The following SUGCT variants were observed in gnomAD, a reference collection of about 807,000 sequenced individuals.
SUGCT encodes succinyl-CoA:glutarate-CoA transferase, also known as succinyl-CoA:glutarate CoA-transferase.
SUGCT carries 41 observed loss-of-function variants against 55.0 expected under a neutral mutation model. That is an observed-to-expected ratio of 0.74 (90% CI 0.58 to 0.97). SUGCT has a LOEUF of 0.97. SUGCT is among the 50% of genes least tolerant of loss of function. SUGCT has a pLI of 0.00. For missense variants in SUGCT, 568 were observed against 547.8 expected (o/e 1.04, Z -0.37); for synonymous variants, 187 against 200.4 (o/e 0.93, Z 0.56).
At chr7:40,302,351 T>A (rs4723947) in intron 8 of SUGCT, among the ~76,000 whole-genome samples, 308 of 152,290 alleles carry the variant, frequency 2.0e-3, no homozygotes, top group Middle Eastern at 0.017. Flanking sequence ...CCAGTCTAGT[T>A]ATCCACTTCA....
intron 8 of SUGCT, among the ~76,000 whole-genome samples, chr7:40,283,075 A>C (rs1584559645): frequency 6.6e-6 from 1 of 152,252 alleles, no homozygotes; most frequent in Non-Finnish European, 1.5e-5. Context: ...AGCAAAGGGA[A>C]CAATCAACAG....
chr7:40,667,696 A>G (rs1801720697), intron 12 of SUGCT, among the ~76,000 whole-genome samples: 1 of 151,760 alleles, frequency 6.6e-6, no homozygotes, highest in Non-Finnish European at 1.5e-5. Flanking sequence ...ATTTCCAGTA[A>G]TTTATTCATT....
At chr7:40,614,902 A>G (rs1029473140) in intron 12 of SUGCT, among the ~76,000 whole-genome samples, 7 of 152,092 alleles carry the variant, frequency 4.6e-5, no homozygotes, top group Non-Finnish European at 1.0e-4. Flanking sequence ...CTAAAAATAC[A>G]AAAAATAGCC....
At chr7:40,938,136 G>T in the SUGCT span, among the ~76,000 whole-genome samples, 2 of 152,210 alleles carry the variant, frequency 1.3e-5, no homozygotes, top group South Asian at 4.1e-4. Context: ...CCAGCCTGCA[G>T]CCTGGGGATG....
chr7:40,428,716 TG>T (rs1268878420), intron 9 of SUGCT, among the ~76,000 whole-genome samples: 6 of 152,228 alleles, frequency 3.9e-5, no homozygotes, highest in Non-Finnish European at 2.9e-5. Context: ...TTGTCATGGT[TG>T]TTTTTTATGC....
intron 13 of SUGCT, among the ~76,000 whole-genome samples, chr7:40,806,965 A>C (rs926938851): frequency 3.3e-5 from 5 of 152,292 alleles, no homozygotes; most frequent in Middle Eastern, 6.8e-3. Context: ...AGACCTATAA[A>C]ATTAAAATAA....
At chr7:40,872,168 A>T in the SUGCT span, among the ~76,000 whole-genome samples, 1 of 152,130 alleles carries the variant, frequency 6.6e-6, no homozygotes, top group South Asian at 2.1e-4. Flanking sequence ...GCAGAGAAAC[A>T]CTAATCTAGA....
chr7:40,517,036 C>G (rs777737484), intron 12 of SUGCT, among the ~76,000 whole-genome samples: 2 of 151,898 alleles, frequency 1.3e-5, no homozygotes, highest in Non-Finnish European at 1.5e-5. Context: ...GTAAGTAAGT[C>G]TTTCACTTCT....
At chr7:40,854,456 CTT>C (rs1217912062) in intron 13 of SUGCT, among the ~76,000 whole-genome samples, 17 of 140,908 alleles carry the variant, frequency 1.2e-4, no homozygotes, top group African/African-American at 3.8e-4. Flanking sequence ...TTCTTTCTTT[CTT>C]TCTTTCTTTC....
chr7:40,490,849 C>G (rs1791637975), intron 11 of SUGCT, among the ~76,000 whole-genome samples: 1 of 152,034 alleles, frequency 6.6e-6, no homozygotes, highest in Non-Finnish European at 1.5e-5. Flanking sequence ...AGACATACTG[C>G]AAGATTTTCT....
At chr7:40,155,010 G>A (rs1203669282) in intron 1 of SUGCT, among the ~76,000 whole-genome samples, 1 of 152,190 alleles carries the variant, frequency 6.6e-6, no homozygotes, top group Non-Finnish European at 1.5e-5. Context: ...GCAGAGGCAG[G>A]GCGTGGTGGC....
the SUGCT span, among the ~76,000 whole-genome samples, chr7:41,002,553 G>C: frequency 6.6e-6 from 1 of 152,132 alleles, no homozygotes; most frequent in Admixed American, 6.5e-5. Flanking sequence ...AACCCAAGGA[G>C]GGCTGCCTGG....
intron 7 of SUGCT, among the ~76,000 whole-genome samples, chr7:40,266,989 C>G (rs1385762563): frequency 6.7e-6 from 1 of 149,704 alleles, no homozygotes; most frequent in Non-Finnish European, 1.5e-5. Flanking sequence ...GCACTGCAGC[C>G]TGGGAGACAG....
intron 6 of SUGCT, chr7:40,217,299 C>T: frequency 3.1e-6 from 1 of 321,742 alleles, no homozygotes; most frequent in Non-Finnish European, 6.3e-6. Context: ...CGACCTCTGC[C>T]TCCGGGACTC....
chr7:40,282,148 TTG>T (rs2151021065), intron 8 of SUGCT, among the ~76,000 whole-genome samples: 1 of 152,078 alleles, frequency 6.6e-6, no homozygotes, highest in South Asian at 2.1e-4. Flanking sequence ...ACTTTCCCTA[TTG>T]TGTATTGTGG....
intron 3 of SUGCT, among the ~76,000 whole-genome samples, chr7:40,182,538 G>A (rs989325524): frequency 6.0e-5 from 9 of 149,772 alleles, no homozygotes; most frequent in African/African-American, 2.0e-4. Flanking sequence ...CTCCAGCCTA[G>A]GCAACAGAGC....
At chr7:40,196,377 G>T (rs150695510) in intron 6 of SUGCT, among the ~76,000 whole-genome samples, 1 of 152,114 alleles carries the variant, frequency 6.6e-6, no homozygotes, top group Admixed American at 6.6e-5. Flanking sequence ...GATCTTCCAG[G>T]CAATAGACTC....
At chr7:40,684,243 T>C (rs1223828277) in intron 12 of SUGCT, 5 of 1,399,274 alleles carry the variant, frequency 3.6e-6, no homozygotes, top group East Asian at 2.5e-5. Flanking sequence ...TCCATACTTA[T>C]TCATTTACAT....
chr7:40,762,510 T>C (rs982379060), intron 13 of SUGCT, among the ~76,000 whole-genome samples: 2 of 152,154 alleles, frequency 1.3e-5, no homozygotes, highest in African/African-American at 4.8e-5. Flanking sequence ...ACTTGAAGTA[T>C]ATTAGGGAAA....
Sources: gnomAD v4.1 joint callset for allele counts (sites outside exome capture counted in the v4.1 genomes callset) on GRCh38, gnomAD v4.1.1 for gene constraint, MANE v1.5 for transcripts, NCBI Gene and HGNC (gene_info 2026-07-23, HGNC 2026-07-21) for gene names.